The following NR5A2 variants were observed in gnomAD, a reference collection of about 807,000 sequenced individuals.
The protein encoded by NR5A2 is nuclear receptor subfamily 5 group A member 2.
In NR5A2, 26 loss-of-function variants were observed where a neutral mutation model predicts 62.7. The ratio of observed to expected loss-of-function variants is 0.41; its 90% CI spans 0.30 to 0.58. The LOEUF is 0.58. Among genes scored for constraint, NR5A2 ranks in the 20% least tolerant of loss-of-function variants. NR5A2 has a pLI of 0.22. For missense variants in NR5A2, 541 were observed against 669.1 expected (o/e 0.81, Z 2.11); for synonymous variants, 246 against 241.7 (o/e 1.02, Z -0.16).
At position 200,177,378 on chromosome 1, in the gene NR5A2, C is replaced by G. The variant is rs1488865677; in HGVS notation, c.*3168C>G. ...CTCAACAAAATGGAATTTTTTTTTTCAGTATTTCAATAAATATTGATATGC... is the reference window on the plus strand; with the variant it reads ...CTCAACAAAATGGAATTTTTTTTTTGAGTATTTCAATAAATATTGATATGC... On this transcript the variant is annotated 3_prime_UTR_variant, in exon 8 of 8. Transcript: ENST00000367362. The G allele has an allele frequency of 6.6e-6, 1 of 151,558 alleles. No individual in the cohort carries two copies. The highest frequency in any genetic ancestry group is 2.4e-5 in the African/African-American group (1 of 41,114). 9.4% of individuals were successfully genotyped at this position (151,558 alleles called of 1,614,324 possible).
chr1:200,083,516 A>T (rs1664385578), intron 5 of NR5A2, among the ~76,000 whole-genome samples: 1 of 152,226 alleles, frequency 6.6e-6, no homozygotes, highest in Non-Finnish European at 1.5e-5. Context: ...ATTCCTGTAC[A>T]GCCTCCTCAT....
At position 200,120,886 on chromosome 1, in the gene NR5A2, A is replaced by G. The variant is rs1209444551; in HGVS notation, c.1309A>G (p.Lys437Glu). ...LMSHAQELVAKLRSLQFDQRE... is the reference protein window; with the variant it reads ...LMSHAQELVAELRSLQFDQRE... ...GAGTCATGCACAGGAGTTAGTGGCA[A>G]AACTTCGTTCTCTCCAGTTTGATCA... The change falls in exon 7 of 8, where the codon AAA becomes GAA. Residue 437 changes from lysine to glutamate, a missense_variant. Around this residue, in one of 3 missense-constraint regions of NR5A2, gnomAD observed 379 missense variants for 442.0 expected, o/e 0.86. Transcript: ENST00000367362. 1 of 1,612,424 alleles carries G rather than the reference A, an allele frequency of 6.2e-7. No homozygotes were observed. The highest frequency in any genetic ancestry group is 2.2e-5 in the East Asian group (1 of 44,812).
At chr1:200,044,846 G>C (rs1476505436) in intron 3 of NR5A2, among the ~76,000 whole-genome samples, 1 of 151,954 alleles carries the variant, frequency 6.6e-6, no homozygotes, top group African/African-American at 2.4e-5. Flanking sequence ...TGTGATACAT[G>C]CTTTTTCCTT....
chr1:200,042,334 G>GT (rs1287744838), intron 2 of NR5A2, among the ~76,000 whole-genome samples: 1 of 152,188 alleles, frequency 6.6e-6, no homozygotes, highest in African/African-American at 2.4e-5. Flanking sequence ...AGTGCTGCAA[G>GT]TGACCCCCCT....
chr1:200,077,147 C>G (rs2737653), intron 5 of NR5A2, among the ~76,000 whole-genome samples: 27,613 of 152,134 alleles, frequency 0.18, 2,624 homozygotes, highest in East Asian at 0.28. Context: ...CCAACAGATG[C>G]CTAAGGCCAG....
chr1:200,071,360 G>A (rs1174211594), intron 5 of NR5A2, among the ~76,000 whole-genome samples: 2 of 152,210 alleles, frequency 1.3e-5, no homozygotes, highest in African/African-American at 2.4e-5. Flanking sequence ...CTGCACAGCT[G>A]TAATGTTTCA....
At chr1:200,086,738 G>A (rs978701073) in intron 5 of NR5A2, among the ~76,000 whole-genome samples, 8 of 152,106 alleles carry the variant, frequency 5.3e-5, no homozygotes, top group African/African-American at 1.7e-4. Flanking sequence ...ATCCTGACCT[G>A]TGCTAAAATT....
Position 200,174,504 on chromosome 1 carries a change from A to G in NR5A2, c.*294A>G, listed in dbSNP as rs1045572970. The G allele has an allele frequency of 4.6e-6, 1 of 216,226 alleles. No homozygotes were observed. The highest frequency in any genetic ancestry group is 9.0e-6 in the Non-Finnish European group (1 of 110,772). 13.4% of individuals were successfully genotyped at this position (216,226 alleles called of 1,614,324 possible). ...GGATTGAACTCACAGATGGATACCA[A>G]CACGGTCAGAAGAAAAACGGACAGA... On this transcript the variant is annotated 3_prime_UTR_variant, in exon 8 of 8. Coordinates refer to ENST00000367362, the MANE Select transcript of NR5A2 (RefSeq NM_205860.3).
intron 5 of NR5A2, among the ~76,000 whole-genome samples, chr1:200,101,465 G>A (rs185681267): frequency 6.6e-6 from 1 of 152,238 alleles, no homozygotes; most frequent in Admixed American, 6.5e-5. Flanking sequence ...TCTTTACTTT[G>A]CAACTTCATG....
intron 2 of NR5A2, chr1:200,043,105 CTTCT>C (rs1367693625): frequency 2.1e-5 from 14 of 675,652 alleles, no homozygotes; most frequent in Middle Eastern, 7.5e-4. Flanking sequence ...TTTCTTTTTC[CTTCT>C]TTTTATTTTC....
In NR5A2 at chr1:200,147,798, C is replaced by T. The variant is rs1378620034; in HGVS notation, c.1379-26165C>T. ...CACGGATGCCGGCACGGTGGGCAGC[C>T]GCCGTGGCGTCCAGCACCAGGTCCT... On this transcript the variant is annotated intron_variant, in intron 7 of 7. Transcript: ENST00000367362. This position sits in a 1 kb window ranked among gnomAD's most constrained non-coding sequence, Gnocchi z 4.9. 4 of 486,878 alleles carry T rather than the reference C, an allele frequency of 8.2e-6. No homozygotes were observed. The highest frequency in any genetic ancestry group is 4.0e-5 in the African/African-American group (2 of 49,962). 30.2% of individuals were successfully genotyped at this position (486,878 alleles called of 1,614,324 possible). A position where few individuals can be genotyped will look rare whatever the true frequency, so the allele number is the denominator to read the frequency against.
At chr1:200,126,728 A>G (rs981414626) in intron 7 of NR5A2, among the ~76,000 whole-genome samples, 2 of 149,430 alleles carry the variant, frequency 1.3e-5, no homozygotes, top group African/African-American at 2.5e-5. Context: ...AGGTCTCACT[A>G]TGTTGCCCAG....
At position 200,054,390 on chromosome 1, in the gene NR5A2, T is replaced by G. The variant is rs115027535; in HGVS notation, c.1110+5572T>G. 6.8e-3 allele frequency among the ~76,000 whole-genome samples: 1,042 copies of G among 152,174 alleles called. 16 individuals are homozygous for G. Among genetic ancestry groups the G allele is most frequent in the African/African-American group, 0.024 (992 of 41,512 alleles). ...TTTTTTTTCACCTGTGTCTTGAATA[T>G]CTCACAAACACAAGAGCAGTGAGAA... On this transcript the variant is annotated intron_variant, in intron 5 of 7. Transcript: ENST00000367362.
At chr1:200,139,257 T>C (rs1394361684) in intron 7 of NR5A2, among the ~76,000 whole-genome samples, 4 of 152,258 alleles carry the variant, frequency 2.6e-5, no homozygotes, top group Admixed American at 1.3e-4. Context: ...AATGCCCTTA[T>C]TATTTGAAAT....
chr1:200,094,658 G>A (rs892762418), intron 5 of NR5A2, among the ~76,000 whole-genome samples: 11 of 143,780 alleles, frequency 7.7e-5, no homozygotes, highest in Non-Finnish European at 1.3e-4. Flanking sequence ...TCAGCCTCCC[G>A]AGTAGCTGGG....
At chr1:200,035,227 T>G (rs972364258) in intron 1 of NR5A2, among the ~76,000 whole-genome samples, 2 of 152,062 alleles carry the variant, frequency 1.3e-5, no homozygotes, top group Non-Finnish European at 2.9e-5. Context: ...AAAAAAGTAA[T>G]TGTCCTGGTT....
At chr1:200,083,847 C>T (rs905743724) in intron 5 of NR5A2, among the ~76,000 whole-genome samples, 10 of 151,872 alleles carry the variant, frequency 6.6e-5, no homozygotes, top group African/African-American at 2.4e-4. Context: ...TGCCTGTAAT[C>T]CCAGCTACTT....
chr1:200,118,634 C>T (rs957628266), intron 6 of NR5A2, among the ~76,000 whole-genome samples: 1 of 152,220 alleles, frequency 6.6e-6, no homozygotes, highest in African/African-American at 2.4e-5. Flanking sequence ...CTCATTCACT[C>T]ATCTATCCCA....
At chr1:200,118,036 T>TTG (rs1553274547) in intron 6 of NR5A2, among the ~76,000 whole-genome samples, 1 of 143,108 alleles carries the variant, frequency 7.0e-6, no homozygotes, top group Non-Finnish European at 1.5e-5. Context: ...TTTTTTTTTT[T>TTG]GAGACAGTCT....
Sources: gnomAD v4.1 joint callset for allele counts (sites outside exome capture counted in the v4.1 genomes callset) on GRCh38, gnomAD v4.1.1 for gene constraint, gnomAD v4.1.1 regional missense constraint, Gnocchi (gnomAD v3.1) non-coding constraint, MANE v1.5 for transcripts, NCBI Gene and HGNC (gene_info 2026-07-23, HGNC 2026-07-21) for gene names.